PCDHGA5: variants seen among roughly 807,000 people sequenced by gnomAD.
PCDHGA5 encodes protocadherin gamma-A5.
A neutral mutation model predicts 56.7 loss-of-function variants in PCDHGA5; 36 were observed. That is an observed-to-expected ratio of 0.64 (90% CI 0.49 to 0.84). The LOEUF (loss-of-function observed/expected upper bound fraction) is 0.84. Among genes scored for constraint, PCDHGA5 ranks in the 40% least tolerant of loss-of-function variants. PCDHGA5 has a pLI of 0.00. For synonymous variants in PCDHGA5, 563 were observed against 520.2 expected (o/e 1.08, Z -1.12); for missense variants, 1,305 against 1,201.5 (o/e 1.09, Z -1.27).
intron 1 of PCDHGA5, among the ~76,000 whole-genome samples, chr5:141,494,463 C>G (rs1178793763): frequency 6.6e-6 from 1 of 152,154 alleles, no homozygotes; most frequent in Non-Finnish European, 1.5e-5. Context: ...TTGTCTGCAC[C>G]TCTTCCCCCA....
At chr5:141,370,488 C>A (rs758506114) in intron 1 of PCDHGA5, 2 of 1,613,906 alleles carry the variant, frequency 1.2e-6, no homozygotes, top group Admixed American at 3.3e-5. Flanking sequence ...TCTCTCCGAA[C>A]CGATCCGCTA....
chr5:141,404,244 C>A (rs1164182551), intron 1 of PCDHGA5: 2 of 1,613,758 alleles, frequency 1.2e-6, no homozygotes, highest in East Asian at 2.2e-5. Context: ...GGAACTCCGC[C>A]CCTGTCCACA....
rs192227219 is a variant in PCDHGA5 at position 141,501,899 on chromosome 5, A to G, written c.2481-3494A>G. Among the ~76,000 whole-genome samples the G allele has an allele frequency of 1.0e-3, 159 of 152,024 alleles. 1 individual carries two copies. The highest frequency in any genetic ancestry group is 6.8e-3 in the Middle Eastern group (2 of 294). ...TACACTCCTGATCATCATGGTTCCA[A>G]CCCCACTGTTCCACTCAGCTTTGTT... is the stretch of plus-strand genomic sequence containing the variant. On this transcript the variant is annotated intron_variant, in intron 2 of 3. Transcript: ENST00000518069.
intron 1 of PCDHGA5, chr5:141,419,997 T>C: frequency 2.5e-6 from 4 of 1,614,088 alleles, no homozygotes; most frequent in Non-Finnish European, 3.4e-6. Flanking sequence ...GCTATTGCTC[T>C]ACGCCTGCGA....
chr5:141,376,525 T>C (rs1772783963), intron 1 of PCDHGA5: 1 of 1,613,730 alleles, frequency 6.2e-7, no homozygotes, highest in Non-Finnish European at 8.5e-7. Context: ...TCTTTCCGCC[T>C]AAGCGGGAAG....
In PCDHGA5 at chr5:141,415,024, G is replaced by A. The variant is rs1272655664; in HGVS notation, c.2421+48273G>A. On this transcript the variant is annotated intron_variant, in intron 1 of 3. Coordinates refer to ENST00000518069, the MANE Select transcript of PCDHGA5 (RefSeq NM_018918.3). ...GTCCTACCGTCTGCTCAAGGCCAGC[G>A]AGCCGGGACTCTTCGCGGTGGGGGA... 4.3e-6 allele frequency: 7 copies of A among 1,613,450 alleles called. 1 individual carries two copies. The highest frequency in any genetic ancestry group is 3.3e-5 in the Admixed American group (2 of 60,002).
intron 1 of PCDHGA5, chr5:141,374,105 C>T: frequency 6.4e-7 from 1 of 1,572,258 alleles, no homozygotes; most frequent in Non-Finnish European, 8.6e-7. Flanking sequence ...GCAGAGGCAT[C>T]CGCAGCGCAG....
chr5:141,382,921 G>C (rs774998092), intron 1 of PCDHGA5: 4 of 1,560,206 alleles, frequency 2.6e-6, no homozygotes, highest in East Asian at 2.3e-5. Context: ...GCCGAGGGGC[G>C]GGGACTACAG....
chr5:141,388,729 G>T (rs1407038729), intron 1 of PCDHGA5: 10 of 1,614,012 alleles, frequency 6.2e-6, no homozygotes, highest in Non-Finnish European at 8.5e-6. Context: ...TTCTCTTTCA[G>T]TGAAGCTAGC....
At chr5:141,415,750 T>TTTG in intron 1 of PCDHGA5, 2 of 1,313,212 alleles carry the variant, frequency 1.5e-6, no homozygotes, top group African/African-American at 1.6e-5. Context: ...GTTTTTTTTT[T>TTTG]TTTTTTTTTT....
chr5:141,390,573 C>T, intron 1 of PCDHGA5: 2 of 381,276 alleles, frequency 5.2e-6, no homozygotes, highest in Non-Finnish European at 9.4e-6. Context: ...TGGCTCTCTC[C>T]TAAAAAGTGA....
rs1439786491 is a variant in PCDHGA5 at position 141,399,634 on chromosome 5, A to G, written c.2421+32883A>G. 9 of 1,613,742 alleles carry G rather than the reference A, an allele frequency of 5.6e-6. No individual in the cohort carries two copies. The highest frequency in any genetic ancestry group is 1.3e-5 in the African/African-American group (1 of 74,954). On this transcript the variant is annotated intron_variant, in intron 1 of 3. Transcript: ENST00000518069. ...TCTGGCACTGGCCTCTTACGTGTCC[A>G]TGAGCGCGCAAAGTGGGGTGGTGTT...
intron 1 of PCDHGA5, chr5:141,410,202 A>C (rs766392835): frequency 1.3e-5 from 21 of 1,614,018 alleles, no homozygotes; most frequent in Non-Finnish European, 1.6e-5. Context: ...TTCGCAGACA[A>C]CTTGCAAGAG....
chr5:141,501,836 T>G (rs2099811283), intron 2 of PCDHGA5, among the ~76,000 whole-genome samples: 1 of 152,136 alleles, frequency 6.6e-6, no homozygotes, highest in Non-Finnish European at 1.5e-5. Context: ...CCCACCTGTT[T>G]GGCCCTCAAC....
At chr5:141,397,267 A>G (rs1411112086) in intron 1 of PCDHGA5, among the ~76,000 whole-genome samples, 1 of 152,230 alleles carries the variant, frequency 6.6e-6, no homozygotes, top group East Asian at 1.9e-4. Flanking sequence ...TCTTAGCTAC[A>G]TCATATGGGC....
rs1246750536 is a variant in PCDHGA5 at position 141,386,428 on chromosome 5, C to T, written c.2421+19677C>T. On this transcript the variant is annotated intron_variant, in intron 1 of 3. Coordinates refer to ENST00000518069, the MANE Select transcript of PCDHGA5 (RefSeq NM_018918.3). ...TATGGTGTTGCAAGCTGTAGCCCAC[C>T]TGCATGGGAGGCTGAGGCAAGAGGA... Among the ~76,000 whole-genome samples the T allele has an allele frequency of 3.3e-5, 5 of 152,036 alleles. No individual in the cohort carries two copies. In the South Asian group the frequency reaches 6.2e-4, roughly 19 times the overall value.
At chr5:141,418,904 A>C (rs2096300166) in intron 1 of PCDHGA5, 1 of 1,613,998 alleles carries the variant, frequency 6.2e-7, no homozygotes, top group Admixed American at 1.7e-5. Context: ...AGAAATAATC[A>C]TCACGTCACT....
chr5:141,376,545 A>T, intron 1 of PCDHGA5: 2 of 1,612,680 alleles, frequency 1.2e-6, no homozygotes, highest in Non-Finnish European at 8.5e-7. Flanking sequence ...GAGTAATCTG[A>T]TCTTCCCGCA....
At chr5:141,369,431 C>T (rs935831476) in intron 1 of PCDHGA5, among the ~76,000 whole-genome samples, 1 of 152,124 alleles carries the variant, frequency 6.6e-6, no homozygotes, top group Non-Finnish European at 1.5e-5. Flanking sequence ...ATTTGGGACG[C>T]TGAGGTGGGA....
Sources: gnomAD v4.1 joint callset for allele counts (sites outside exome capture counted in the v4.1 genomes callset) on GRCh38, gnomAD v4.1.1 for gene constraint, MANE v1.5 for transcripts, NCBI Gene and HGNC (gene_info 2026-07-23, HGNC 2026-07-21) for gene names.